The following C8orf34 variants were observed in gnomAD, a reference collection of about 807,000 sequenced individuals.
The protein encoded by C8orf34 is uncharacterized protein C8orf34.
C8orf34 carries 65 observed loss-of-function variants against 68.3 expected under a neutral mutation model. The ratio of observed to expected loss-of-function variants is 0.95; its 90% CI spans 0.78 to 1.17. The LOEUF (loss-of-function observed/expected upper bound fraction) is 1.17. Ranked by LOEUF, C8orf34 falls within the 50% of genes most tolerant of loss-of-function variation. The probability of loss-of-function intolerance (pLI) is 0.00; values close to 1 mark genes in which losing one functional copy is unlikely to be tolerated. For synonymous variants in C8orf34, 244 were observed against 241.2 expected (o/e 1.01, Z -0.11); for missense variants, 664 against 655.4 (o/e 1.01, Z -0.14).
chr8:68,680,907 C>G (rs2130875340), intron 8 of C8orf34, among the ~76,000 whole-genome samples: 1 of 152,160 alleles, frequency 6.6e-6, no homozygotes, highest in African/African-American at 2.4e-5. Context: ...TGGCATAAGA[C>G]AGACACTCCC....
At chr8:68,533,732 T>A in intron 7 of C8orf34, 1 of 942,174 alleles carries the variant, frequency 1.1e-6, no homozygotes, top group African/African-American at 1.8e-5. Context: ...TTTTTTAATG[T>A]AGTATATGTA....
intron 5 of C8orf34, among the ~76,000 whole-genome samples, chr8:68,505,757 A>G (rs1219068197): frequency 6.6e-6 from 1 of 151,738 alleles, no homozygotes; most frequent in South Asian, 2.1e-4. Flanking sequence ...AAAAAAAAAA[A>G]GAATGAGCAA....
intron 8 of C8orf34, among the ~76,000 whole-genome samples, chr8:68,656,390 A>G (rs1819511921): frequency 6.6e-6 from 1 of 152,174 alleles, no homozygotes. Context: ...CATCAACTGT[A>G]TGTATGAAGA....
At chr8:68,648,989 A>G (rs911610215) in intron 8 of C8orf34, among the ~76,000 whole-genome samples, 10 of 152,156 alleles carry the variant, frequency 6.6e-5, no homozygotes, top group African/African-American at 2.4e-4. Context: ...GTAAATAACC[A>G]TACATTGTAT....
intron 1 of C8orf34, among the ~76,000 whole-genome samples, chr8:68,418,140 A>C (rs1809762274): frequency 6.8e-6 from 1 of 146,388 alleles, no homozygotes; most frequent in African/African-American, 2.6e-5. Flanking sequence ...TTGTACATTG[A>C]TTTTGTATCC....
chr8:68,338,845 T>C (rs905097947), intron 1 of C8orf34, among the ~76,000 whole-genome samples: 1 of 152,118 alleles, frequency 6.6e-6, no homozygotes, highest in Non-Finnish European at 1.5e-5. Flanking sequence ...GAGTTCCAGT[T>C]GTTCCATATC....
intron 7 of C8orf34, among the ~76,000 whole-genome samples, chr8:68,552,096 C>G (rs1044651640): frequency 1.3e-5 from 2 of 152,076 alleles, no homozygotes; most frequent in African/African-American, 4.8e-5. Flanking sequence ...ACATGTCTGT[C>G]TTTATGACAA....
intron 3 of C8orf34, among the ~76,000 whole-genome samples, chr8:68,463,222 C>T (rs976573104): frequency 4.6e-5 from 7 of 152,192 alleles, no homozygotes; most frequent in South Asian, 2.1e-4. Context: ...ACACATACAC[C>T]CTCCCAAGAC....
intron 5 of C8orf34, among the ~76,000 whole-genome samples, chr8:68,506,208 A>G (rs1307363400): frequency 6.6e-6 from 1 of 152,200 alleles, no homozygotes; most frequent in Non-Finnish European, 1.5e-5. Flanking sequence ...CATCATGTAC[A>G]TTTTATTATT....
intron 6 of C8orf34, 26 bp downstream of exon 6, chr8:68,521,997 C>A: frequency 6.3e-7 from 1 of 1,592,164 alleles, no homozygotes; most frequent in Non-Finnish European, 8.6e-7. Context: ...TGCTGAGATT[C>A]TATATTACTA....
chr8:68,573,227 T>C (rs546380520), intron 7 of C8orf34, among the ~76,000 whole-genome samples: 3 of 152,274 alleles, frequency 2.0e-5, no homozygotes, highest in South Asian at 2.1e-4. Flanking sequence ...CCCCAACACT[T>C]GAATTTCAGT....
At chr8:68,560,115 G>A (rs1405189746) in intron 7 of C8orf34, among the ~76,000 whole-genome samples, 5 of 151,378 alleles carry the variant, frequency 3.3e-5, no homozygotes, top group East Asian at 3.9e-4. Flanking sequence ...TATGGAAGAG[G>A]ATAAGCAAGG....
At chr8:68,595,735 T>A (rs13272462) in intron 7 of C8orf34, among the ~76,000 whole-genome samples, 87,882 of 151,814 alleles carry the variant, frequency 0.58, 25,618 homozygotes, top group African/African-American at 0.6. Flanking sequence ...TTTTGTGTAT[T>A]TTTTCTGTAT....
At chr8:68,766,192 A>G (rs1451333795) in intron 10 of C8orf34, among the ~76,000 whole-genome samples, 1 of 152,246 alleles carries the variant, frequency 6.6e-6, no homozygotes, top group Non-Finnish European at 1.5e-5. Context: ...TGAGAGACGT[A>G]AAGTCCTTGG....
chr8:68,335,773 A>C (rs989955048), intron 1 of C8orf34, among the ~76,000 whole-genome samples: 5 of 152,312 alleles, frequency 3.3e-5, no homozygotes, highest in African/African-American at 1.2e-4. Flanking sequence ...GGCATCAATA[A>C]ATTTGAAAAA....
At chr8:68,401,908 C>T (rs1044644615) in intron 1 of C8orf34, among the ~76,000 whole-genome samples, 1 of 150,442 alleles carries the variant, frequency 6.6e-6, no homozygotes. Flanking sequence ...GTTTTGGTGC[C>T]AGGGTGATAC....
intron 13 of C8orf34, 118 bp from the exon 14 acceptor site, chr8:68,818,121 C>A: frequency 2.1e-6 from 2 of 941,532 alleles, no homozygotes; most frequent in Non-Finnish European, 3.3e-6. Context: ...TGTCAATATC[C>A]TTTCAAAAGT....
intron 7 of C8orf34, among the ~76,000 whole-genome samples, chr8:68,630,132 A>C (rs1294404885): frequency 6.6e-6 from 1 of 152,124 alleles, no homozygotes; most frequent in African/African-American, 2.4e-5. Context: ...CATATATCAT[A>C]AAATAGCACT....
chr8:68,741,402 A>C (rs929768305), intron 10 of C8orf34, among the ~76,000 whole-genome samples: 10 of 152,118 alleles, frequency 6.6e-5, no homozygotes, highest in Non-Finnish European at 1.5e-4. Flanking sequence ...TGTGCACTGC[A>C]TCTTAATACC....
Sources: allele counts gnomAD v4.1 joint callset (sites outside exome capture counted in the v4.1 genomes callset), GRCh38; gene constraint gnomAD v4.1.1; transcripts MANE v1.5; gene names NCBI Gene and HGNC (gene_info 2026-07-23, HGNC 2026-07-21).